Variants in FKBP5 observed in about 807,000 individuals in gnomAD.
FKBP5 encodes peptidyl-prolyl cis-trans isomerase FKBP5.
FKBP5 carries 23 observed loss-of-function variants against 50.5 expected under a neutral mutation model. The ratio of observed to expected loss-of-function variants is 0.46; its 90% CI spans 0.33 to 0.65. The LOEUF (loss-of-function observed/expected upper bound fraction) is 0.65, where lower values mean the gene tolerates loss of function less well. FKBP5 is among the 30% of genes least tolerant of loss of function. The pLI is 0.02. For synonymous variants in FKBP5, 176 were observed against 190.6 expected (o/e 0.92, Z 0.63); for missense variants, 411 against 553.1 (o/e 0.74, Z 2.58).
chr6:35,594,558 C>T (rs1456854359), intron 6 of FKBP5, among the ~76,000 whole-genome samples: 1 of 152,136 alleles, frequency 6.6e-6, no homozygotes, highest in Non-Finnish European at 1.5e-5. Context: ...CAAGTAAATT[C>T]ACTGCCTGCA....
At chr6:35,714,598 C>T (rs955166226) in intron 2 of FKBP5, among the ~76,000 whole-genome samples, 2 of 151,876 alleles carry the variant, frequency 1.3e-5, no homozygotes, top group African/African-American at 4.8e-5. Flanking sequence ...GGGCAGATCA[C>T]CTGAGGTCAG....
At position 35,577,190 on chromosome 6, in the gene FKBP5, C is replaced by T; in HGVS notation, c.1070G>A (p.Arg357Lys). Reference sequence around the variant, plus strand: ...GTTCATGAGCAGCTGGGCTTCACCCCTCCTATACAAGCCTTTCTCATTGGC... The same window carrying T: ...GTTCATGAGCAGCTGGGCTTCACCCTTCCTATACAAGCCTTTCTCATTGGC... The part of the protein sequence containing the change: ...DSANEKGLYR[R>K]GEAQLLMNEF... Residue 357 changes from arginine to lysine, a missense_variant, in exon 10 of 11, where the codon AGG becomes AAG. This residue lies in a region of FKBP5 where 267 missense variants were observed against 405.9 expected (regional missense o/e 0.66). Transcript: ENST00000357266. 6.2e-7 allele frequency: 1 copy of T among 1,613,756 alleles called. No homozygotes were observed. Among genetic ancestry groups the T allele is most frequent in the Non-Finnish European group, 8.5e-7 (1 of 1,179,764 alleles).
At chr6:35,581,566 G>A in intron 8 of FKBP5, 1 of 983,396 alleles carries the variant, frequency 1.0e-6, no homozygotes, top group Non-Finnish European at 1.2e-6. Flanking sequence ...CTCCAGCCTG[G>A]GTGACAGAGC....
intron 8 of FKBP5, 103 bp downstream of exon 8, chr6:35,586,931 C>A: frequency 6.4e-7 from 1 of 1,568,994 alleles, no homozygotes; most frequent in South Asian, 1.2e-5. Context: ...CTTATTCTTA[C>A]CAAGCAGTGT....
chr6:35,667,079 T>A (rs1338879849), intron 1 of FKBP5, among the ~76,000 whole-genome samples: 3 of 151,498 alleles, frequency 2.0e-5, no homozygotes, highest in Non-Finnish European at 4.4e-5. Context: ...GCATGCCTTT[T>A]AAAAAAATCA....
chr6:35,607,082 C>T (rs961211225), intron 5 of FKBP5, among the ~76,000 whole-genome samples: 7 of 152,114 alleles, frequency 4.6e-5, no homozygotes, highest in East Asian at 3.9e-4. Flanking sequence ...GGACTACAGG[C>T]GCCCACCACC....
intron 9 of FKBP5, among the ~76,000 whole-genome samples, chr6:35,578,765 C>CT (rs1762313425): frequency 1.3e-5 from 1 of 79,962 alleles, no homozygotes; most frequent in Admixed American, 1.3e-4. Flanking sequence ...AAGACTCCAT[C>CT]TCCAAAAAAA....
Position 35,647,875 on chromosome 6 carries a change from G to A in FKBP5, c.-19-5032C>T, listed in dbSNP as rs558522182. Among the ~76,000 whole-genome samples, 268 of 152,284 alleles carry A rather than the reference G, an allele frequency of 1.8e-3. 4 individuals are homozygous for A. Among genetic ancestry groups the A allele is most frequent in the Non-Finnish European group, 3.2e-4 (22 of 68,030 alleles). On this transcript the variant is annotated intron_variant, in intron 1 of 10. Transcript: ENST00000357266. Reference sequence around the variant, plus strand: ...CTTGATATTCTGGCCCTTAACTGCTGAAGACAAGTCTTTGCAGAATCTCCA... The same window carrying A: ...CTTGATATTCTGGCCCTTAACTGCTAAAGACAAGTCTTTGCAGAATCTCCA...
chr6:35,680,672 T>A (rs945079445), intron 1 of FKBP5, among the ~76,000 whole-genome samples: 2 of 152,196 alleles, frequency 1.3e-5, no homozygotes, highest in East Asian at 1.9e-4. Context: ...TCAAGAATAG[T>A]TTAGTTTACA....
Position 35,575,900 on chromosome 6 carries a change from C to T in FKBP5, c.1309G>A (p.Val437Ile), listed in dbSNP as rs556530479. 2 of 1,614,026 alleles carry T rather than the reference C, an allele frequency of 1.2e-6. No individual in the cohort carries two copies. The highest frequency in any genetic ancestry group is 4.5e-5 in the East Asian group (2 of 44,884). Residue 437 changes from valine (V) to isoleucine (I), a missense_variant, in exon 11 of 11, where the codon GTC becomes ATC. Val to Ile is a conservative substitution (Grantham distance 29). This residue lies in a region of FKBP5 where 88 missense variants were observed against 89.0 expected (regional missense o/e 0.99). Coordinates refer to ENST00000357266, the MANE Select transcript of FKBP5 (RefSeq NM_004117.4). ...KAMGKKTSEG[V>I]TNEKGTDSQA... ...CTGTCTGTTCCTTTTTCATTAGTGACCCCTTCTGAAGTCTTCTTGCCCATT... is the reference window on the plus strand; with the variant it reads ...CTGTCTGTTCCTTTTTCATTAGTGATCCCTTCTGAAGTCTTCTTGCCCATT...
chr6:35,633,517 T>A (rs1270397153), intron 3 of FKBP5, among the ~76,000 whole-genome samples: 1 of 141,674 alleles, frequency 7.1e-6, no homozygotes, highest in African/African-American at 2.7e-5. Context: ...CACTTCAGCT[T>A]GGGCTACAGA....
chr6:35,597,468 T>C, intron 5 of FKBP5, 64 bp from the exon 6 acceptor site: 1 of 1,536,912 alleles, frequency 6.5e-7, no homozygotes, highest in Non-Finnish European at 8.8e-7. Context: ...TTCAGTGAAG[T>C]GATAAATGAG....
At chr6:35,613,698 A>G (rs1304308214) in intron 5 of FKBP5, among the ~76,000 whole-genome samples, 1 of 152,228 alleles carries the variant, frequency 6.6e-6, no homozygotes, top group Admixed American at 6.5e-5. Flanking sequence ...TTAAAGGAGG[A>G]AAAACCAGGA....
chr6:35,673,386 C>A (rs892424870), intron 1 of FKBP5, among the ~76,000 whole-genome samples: 11 of 152,100 alleles, frequency 7.2e-5, no homozygotes, highest in African/African-American at 2.7e-4. Flanking sequence ...CCCATCTCTA[C>A]AGAAAATTTA....
intron 1 of FKBP5, among the ~76,000 whole-genome samples, chr6:35,668,235 G>T (rs1765283705): frequency 6.6e-6 from 1 of 152,174 alleles, no homozygotes; most frequent in Non-Finnish European, 1.5e-5. Context: ...GACTCCTTGT[G>T]TGAGCCCAGA....
At chr6:35,693,097 A>AAT (rs1427073420), upstream of FKBP5, among the ~76,000 whole-genome samples, 15 of 149,250 alleles carry the variant, frequency 1.0e-4, 1 homozygote, top group East Asian at 1.8e-3. Flanking sequence ...AAAAAAAAAA[A>AAT]ATCTCATCTT....
intron 7 of FKBP5, among the ~76,000 whole-genome samples, chr6:35,589,113 T>TATATAC (rs1762723072): frequency 7.9e-6 from 1 of 126,028 alleles, no homozygotes; most frequent in African/African-American, 3.1e-5. Context: ...TATATTTTTA[T>TATATAC]ATATATATAT....
chr6:35,721,440 AT>A (rs1437877809), intron 1 of FKBP5, among the ~76,000 whole-genome samples: 1 of 151,704 alleles, frequency 6.6e-6, no homozygotes, highest in African/African-American at 2.4e-5. Flanking sequence ...AAACACACAT[AT>A]ACACACACCC....
At chr6:35,686,003 A>T (rs911060306) in intron 1 of FKBP5, among the ~76,000 whole-genome samples, 1 of 151,416 alleles carries the variant, frequency 6.6e-6, no homozygotes, top group Non-Finnish European at 1.5e-5. Context: ...AAAAAAAAAA[A>T]AGCAAAACTA....
Sources: allele counts gnomAD v4.1 joint callset (sites outside exome capture counted in the v4.1 genomes callset), GRCh38; gene constraint gnomAD v4.1.1; regional missense constraint gnomAD v4.1.1; transcripts MANE v1.5; gene names NCBI Gene and HGNC (gene_info 2026-07-23, HGNC 2026-07-21).